The following ACTR3B variants were observed in gnomAD, a reference collection of about 807,000 sequenced individuals.
ACTR3B encodes actin-related protein 3B.
In ACTR3B, 8 loss-of-function variants were observed where a neutral mutation model predicts 59.0. That is an observed-to-expected ratio of 0.14 (90% CI 0.08 to 0.24). ACTR3B has a LOEUF of 0.24. Ranked by LOEUF, ACTR3B falls within the 10% of genes least tolerant of loss-of-function variation. ACTR3B has a pLI of 1.00. For missense variants in ACTR3B, 245 were observed against 552.3 expected (o/e 0.44, Z 5.58); for synonymous variants, 148 against 197.9 (o/e 0.75, Z 2.12).
chr7:152,815,486 A>G (rs1043190689), intron 5 of ACTR3B, among the ~76,000 whole-genome samples: 6 of 152,198 alleles, frequency 3.9e-5, no homozygotes, highest in African/African-American at 1.4e-4. Context: ...CTGTGCAGCA[A>G]GTTTACCTGG....
intron 1 of ACTR3B, among the ~76,000 whole-genome samples, chr7:152,776,692 G>C (rs1590216903): frequency 1.3e-5 from 2 of 152,388 alleles, no homozygotes; most frequent in African/African-American, 4.8e-5. Context: ...TTAACACTGA[G>C]GTAGGGATTA....
chr7:152,761,223 G>A (rs962062870), intron 1 of ACTR3B, among the ~76,000 whole-genome samples: 12 of 152,158 alleles, frequency 7.9e-5, no homozygotes, highest in African/African-American at 2.2e-4. Flanking sequence ...GCCAAAATCA[G>A]CGTTGTCGAT....
intron 9 of ACTR3B, among the ~76,000 whole-genome samples, chr7:152,843,179 A>G (rs1798000395): frequency 6.6e-6 from 1 of 152,116 alleles, no homozygotes; most frequent in Non-Finnish European, 1.5e-5. Flanking sequence ...TGAAGAACAG[A>G]AATGTATGGA....
intron 9 of ACTR3B, among the ~76,000 whole-genome samples, chr7:152,828,366 C>T (rs1385460029): frequency 6.6e-6 from 1 of 152,156 alleles, no homozygotes; most frequent in Non-Finnish European, 1.5e-5. Flanking sequence ...CAGATGGACT[C>T]TCGCTGTGTG....
chr7:152,785,664 C>A, intron 2 of ACTR3B, among the ~76,000 whole-genome samples: 1 of 89,068 alleles, frequency 1.1e-5, no homozygotes, highest in Non-Finnish European at 2.2e-5. Context: ...GGGAGTGGAA[C>A]CATTTTGTGC....
intron 1 of ACTR3B, among the ~76,000 whole-genome samples, chr7:152,781,613 T>C (rs1012943044): frequency 2.0e-5 from 3 of 152,182 alleles, no homozygotes; most frequent in African/African-American, 7.2e-5. Flanking sequence ...ATGATTTTAG[T>C]GATTTCTGGT....
Position 152,852,225 on chromosome 7 carries a change from G to C in ACTR3B, c.1051G>C (p.Glu351Gln), listed in dbSNP as rs947984444. 3 of 1,613,890 alleles carry C rather than the reference G, an allele frequency of 1.9e-6. No homozygotes were observed. The highest frequency in any genetic ancestry group is 1.7e-5 in the Admixed American group (1 of 59,980). ...GGTGGATGCTAGGCTGAGGCTCAGC[G>C]AGGAGCTCAGCGGCGGGAGGATCAA... ...RVVDARLRLS[E>Q]ELSGGRIKPK... is the part of the protein sequence containing the mutation. The change falls in exon 10 of 12, where the codon GAG becomes CAG. Residue 351 changes from glutamate (E) to glutamine (Q), a missense_variant. Glu to Gln is a conservative substitution (Grantham distance 29, BLOSUM62 2). Around this residue, in one of 7 missense-constraint regions of ACTR3B, gnomAD observed 153 missense variants for 266.2 expected, o/e 0.57. Coordinates refer to ENST00000256001, the MANE Select transcript of ACTR3B (RefSeq NM_020445.6).
In ACTR3B at chr7:152,852,261, A is replaced by C; in HGVS notation, c.1077+10A>C. ...CGGCGGGAGGATCAAGGTAGGAGCC[A>C]GAGGCCTCCACGCAGTGCCTGGGGC... On this transcript the variant is annotated intron_variant, in intron 10 of 11. Transcript: ENST00000256001. The C allele has an allele frequency of 6.2e-7, 1 of 1,604,010 alleles. No homozygotes were observed. Among genetic ancestry groups the C allele is most frequent in the Non-Finnish European group, 8.5e-7 (1 of 1,175,704 alleles).
chr7:152,853,549 G>A lies in ACTR3B; in HGVS notation c.1133G>A (p.Trp378Ter), dbSNP rs1665075538. ...VTHHMQRYAV[W>*]FGGSMLASTP... is the part of the protein sequence containing the mutation. The stretch of plus-strand genomic sequence containing the variant: ...CATCACATGCAGCGCTACGCCGTGT[G>A]GTTCGGAGGCTCCATGCTGGCCTCG... The change falls in exon 11 of 12, where the codon TGG becomes TAG. Residue 378 changes from tryptophan to a stop codon, truncating the protein, a stop_gained. Transcript: ENST00000256001. LOFTEE classifies it high-confidence loss of function. 1 of 1,613,858 alleles carries A rather than the reference G, an allele frequency of 6.2e-7. No homozygotes were observed. The highest frequency in any genetic ancestry group is 1.7e-5 in the Admixed American group (1 of 59,968).
chr7:152,769,901 TAA>T lies in ACTR3B; in HGVS notation c.44+9981_44+9982del, dbSNP rs575332763. On this transcript the variant is annotated intron_variant, in intron 1 of 11. Coordinates refer to ENST00000256001, the MANE Select transcript of ACTR3B (RefSeq NM_020445.6). Reference sequence around the variant, plus strand: ...AAAAAAAAAGCCTTTTACTTCTAATTAAAAAAATTATTAGTAGTCAACAAATT... The same window carrying T: ...AAAAAAAAAGCCTTTTACTTCTAATTAAAAATTATTAGTAGTCAACAAATT... Among the ~76,000 whole-genome samples the T allele has an allele frequency of 1.4e-4, 21 of 151,872 alleles. No homozygotes were observed. In the South Asian group the frequency reaches 4.1e-3, roughly 30 times the overall value.
chr7:152,803,018 A>G (rs1358551271), intron 4 of ACTR3B, among the ~76,000 whole-genome samples: 1 of 151,988 alleles, frequency 6.6e-6, no homozygotes, highest in African/African-American at 2.4e-5. Context: ...GTACATCCAT[A>G]GTGGTTTATT....
chr7:152,853,756 G>A (rs957749732), intron 11 of ACTR3B, among the ~76,000 whole-genome samples, 179 bp downstream of exon 11: 9 of 151,986 alleles, frequency 5.9e-5, no homozygotes, highest in African/African-American at 1.9e-4. Flanking sequence ...TCACTCTGTC[G>A]CCCAGGCTGG....
intron 4 of ACTR3B, among the ~76,000 whole-genome samples, chr7:152,802,634 T>C (rs2098240204): frequency 6.6e-6 from 1 of 150,598 alleles, no homozygotes; most frequent in Admixed American, 6.7e-5. Flanking sequence ...CAAGTTAAAA[T>C]TAATTATATG....
At chr7:152,785,566 G>A (rs1022285082) in intron 2 of ACTR3B, among the ~76,000 whole-genome samples, 2 of 145,628 alleles carry the variant, frequency 1.4e-5, no homozygotes, top group Admixed American at 1.4e-4. Flanking sequence ...AAGGTTAGAA[G>A]ATGTTCGGGC....
chr7:152,831,090 A>G (rs954753358), intron 9 of ACTR3B, among the ~76,000 whole-genome samples: 2 of 152,230 alleles, frequency 1.3e-5, no homozygotes, highest in African/African-American at 4.8e-5. Flanking sequence ...CCACACTAAT[A>G]TTCCTCATAA....
chr7:152,759,853 C>T lies in ACTR3B; in HGVS notation c.-30C>T, dbSNP rs932836130. On this transcript the variant is annotated 5_prime_UTR_variant, in exon 1 of 12. Transcript: ENST00000256001. ...CGGCGACGGGGCGCTCTCGGGCTGC[C>T]GGCGGGGCCGAGCGCCGCGCGTCCC... The T allele has an allele frequency of 4.8e-6, 6 of 1,260,634 alleles. No individual in the cohort carries two copies. Among genetic ancestry groups the T allele is most frequent in the Middle Eastern group, 3.0e-4 (1 of 3,316 alleles). The allele number at this position is 1,260,634 out of a possible 1,614,324, so 78.1% of individuals were successfully genotyped here.
At position 152,825,143 on chromosome 7, in the gene ACTR3B, G is replaced by A. The variant is rs187685425; in HGVS notation, c.951+21G>A. ...ATAAGGTATGAGCTGCCTGGGTAAG[G>A]TACTTTGATTTCATTCCACAATTAA... On this transcript the variant is annotated intron_variant, in intron 9 of 11. Transcript: ENST00000256001. 3,844 of 1,605,790 alleles carry A rather than the reference G, an allele frequency of 2.4e-3. 5 individuals are homozygous for A. The highest frequency in any genetic ancestry group is 2.8e-3 in the Non-Finnish European group (3,243 of 1,177,078).
Position 152,852,260 on chromosome 7 carries a change from C to T in ACTR3B, c.1077+9C>T. ...GCGGCGGGAGGATCAAGGTAGGAGCCAGAGGCCTCCACGCAGTGCCTGGGG... is the reference window on the plus strand; with the variant it reads ...GCGGCGGGAGGATCAAGGTAGGAGCTAGAGGCCTCCACGCAGTGCCTGGGG... On this transcript the variant is annotated intron_variant, in intron 10 of 11. Transcript: ENST00000256001. 1 of 1,608,906 alleles carries T rather than the reference C, an allele frequency of 6.2e-7. No individual in the cohort carries two copies. Among genetic ancestry groups the T allele is most frequent in the Non-Finnish European group, 8.5e-7 (1 of 1,178,812 alleles).
rs957893640 is a variant in ACTR3B at position 152,824,400 on chromosome 7, A to G, written c.859-630A>G. On this transcript the variant is annotated intron_variant, in intron 8 of 11. Coordinates refer to ENST00000256001, the MANE Select transcript of ACTR3B (RefSeq NM_020445.6). This position sits in a 1 kb window ranked among gnomAD's most constrained non-coding sequence, Gnocchi z 4.2. ...ATCCTCCTCCTTCCTCTGAGAGTGC[A>G]CATTCAAGCTTACTTTGATTTTTTA... Among the ~76,000 whole-genome samples, 3 of 152,254 alleles carry G rather than the reference A, an allele frequency of 2.0e-5. No individual in the cohort carries two copies. Among genetic ancestry groups the G allele is most frequent in the African/African-American group, 7.2e-5 (3 of 41,466 alleles).
Sources: gnomAD v4.1 joint callset for allele counts (sites outside exome capture counted in the v4.1 genomes callset) on GRCh38, gnomAD v4.1.1 for gene constraint, gnomAD v4.1.1 regional missense constraint, Gnocchi (gnomAD v3.1) non-coding constraint, MANE v1.5 for transcripts, NCBI Gene and HGNC (gene_info 2026-07-23, HGNC 2026-07-21) for gene names.